Variants in ADGRL3 observed in about 807,000 individuals in gnomAD.
ADGRL3 encodes adhesion G protein-coupled receptor L3, also known as calcium-independent alpha-latrotoxin receptor 3.
In ADGRL3, 62 loss-of-function variants were observed where a neutral mutation model predicts 153.5. The observed-to-expected ratio is 0.40, with a 90% CI of 0.33 to 0.50. The LOEUF is 0.50. Ranked by LOEUF, ADGRL3 falls within the 20% of genes least tolerant of loss-of-function variation. The pLI, the probability that ADGRL3 is intolerant of heterozygous loss-of-function variation, is 0.47. For synonymous variants in ADGRL3, 710 were observed against 672.5 expected, an observed-to-expected ratio of 1.06 and a Z score of -0.86; for missense variants, 1,641 against 1,859.4, an observed-to-expected ratio of 0.88 and a Z score of 2.16.
At chr4:61,239,882 T>A (rs1042076147) in intron 1 of ADGRL3, among the ~76,000 whole-genome samples, 28 of 152,112 alleles carry the variant, frequency 1.8e-4, no homozygotes, top group African/African-American at 5.8e-4. Context: ...TTGGCTATGA[T>A]GTTTAAGTTC....
At chr4:61,600,373 T>A (rs907020874) in intron 5 of ADGRL3, among the ~76,000 whole-genome samples, 3 of 151,590 alleles carry the variant, frequency 2.0e-5, no homozygotes, top group South Asian at 2.1e-4. Context: ...AGATTTTTTT[T>A]AAGAAAAAGT....
At chr4:61,456,405 A>ATATATATAGATATATC (rs1560664399) in intron 2 of ADGRL3, among the ~76,000 whole-genome samples, 3 of 53,888 alleles carry the variant, frequency 5.6e-5, no homozygotes, top group Non-Finnish European at 1.2e-4. Flanking sequence ...ATCTATATCT[A>ATATATATAGATATATC]TATATATATA....
At position 61,388,313 on chromosome 4, in the gene ADGRL3, G is replaced by A. The variant is rs1049612363; in HGVS notation, c.-174+5124G>A. On this transcript the variant is annotated intron_variant, in intron 2 of 26. Transcript: ENST00000683033. ...TGCCTATCTTAAGGACTACGTAAGT[G>A]TTTGTAAAATACACTACAGTTTTTT... Among the ~76,000 whole-genome samples the A allele has an allele frequency of 3.3e-5, 5 of 152,124 alleles. No individual in the cohort carries two copies. In the East Asian group the frequency reaches 7.7e-4, roughly 23 times the overall value.
chr4:61,457,332 A>G (rs1310766085), intron 2 of ADGRL3, among the ~76,000 whole-genome samples: 1 of 151,988 alleles, frequency 6.6e-6, no homozygotes, highest in African/African-American at 2.4e-5. Flanking sequence ...ATAATTGATT[A>G]TTAAACAAAA....
Position 61,730,612 on chromosome 4 carries a change from T to C in ADGRL3, c.584-10T>C. On this transcript the variant is annotated splice_polypyrimidine_tract_variant and intron_variant, in intron 6 of 26. Coordinates refer to ENST00000683033, the MANE Select transcript of ADGRL3 (RefSeq NM_001387552.1). ...TCTCCTTTCTCTCTTTACTTCTCTCTCTCCAATAGAAGTGGAACAAAAAGG... is the reference window on the plus strand; with the variant it reads ...TCTCCTTTCTCTCTTTACTTCTCTCCCTCCAATAGAAGTGGAACAAAAAGG... The C allele has an allele frequency of 1.8e-6, 1 of 549,666 alleles. No individual in the cohort carries two copies. Among genetic ancestry groups the C allele is most frequent in the Non-Finnish European group, 3.1e-6 (1 of 323,550 alleles). 34.0% of individuals were successfully genotyped at this position (549,666 alleles called of 1,614,324 possible).
intron 2 of ADGRL3, among the ~76,000 whole-genome samples, chr4:61,493,518 C>T (rs1438327941): frequency 6.6e-6 from 1 of 152,064 alleles, no homozygotes; most frequent in Non-Finnish European, 1.5e-5. Context: ...TAAATGATTC[C>T]AGTTGTAATT....
chr4:61,962,964 T>C (rs375570305), intron 17 of ADGRL3, among the ~76,000 whole-genome samples: 31 of 152,266 alleles, frequency 2.0e-4, no homozygotes, highest in South Asian at 1.5e-3. Flanking sequence ...AAATGTGTTA[T>C]AGTTCTCACA....
chr4:61,868,823 T>C (rs932252622), intron 9 of ADGRL3, among the ~76,000 whole-genome samples: 2 of 152,194 alleles, frequency 1.3e-5, no homozygotes, highest in Non-Finnish European at 2.9e-5. Context: ...TTGGTTCCTA[T>C]GCTCACTCAC....
rs573957997 is a variant in ADGRL3, at chr4:61,772,944, A to T, written c.1399+39390A>T. On this transcript the variant is annotated intron_variant, in intron 8 of 26. Transcript: ENST00000683033. The stretch of plus-strand genomic sequence containing the variant: ...ATATTATGTTTAAAATACCCTGTTT[A>T]AAAAATACCATGTTTTACATACCTG... 5.3e-5 allele frequency among the ~76,000 whole-genome samples: 8 copies of T among 152,262 alleles called. 1 individual carries two copies. Among genetic ancestry groups the T allele is most frequent in the Admixed American group, 4.6e-4 (7 of 15,294 alleles).
intron 6 of ADGRL3, among the ~76,000 whole-genome samples, chr4:61,705,469 T>C (rs539774460): frequency 5.4e-5 from 8 of 148,556 alleles, no homozygotes; most frequent in Admixed American, 2.7e-4. Context: ...ATATAAGTTA[T>C]AGATTACATA....
chr4:61,424,223 A>G (rs2097248924), intron 2 of ADGRL3, among the ~76,000 whole-genome samples: 3 of 152,092 alleles, frequency 2.0e-5, no homozygotes, highest in African/African-American at 7.2e-5. Context: ...ACATGGTAGC[A>G]TAACTGTGAT....
chr4:61,671,470 C>G (rs1307744063), intron 5 of ADGRL3, among the ~76,000 whole-genome samples: 2 of 152,068 alleles, frequency 1.3e-5, no homozygotes, highest in Non-Finnish European at 2.9e-5. Flanking sequence ...TTTATTAAAC[C>G]TGATCAATAG....
intron 17 of ADGRL3, among the ~76,000 whole-genome samples, chr4:61,967,353 CTTTCA>C (rs757507490): frequency 2.0e-5 from 3 of 151,814 alleles, no homozygotes; most frequent in Non-Finnish European, 4.4e-5. Context: ...TTATATTTGC[CTTTCA>C]TTTCTTTTCT....
At chr4:61,830,528 T>A (rs1409649801) in intron 9 of ADGRL3, among the ~76,000 whole-genome samples, 1 of 152,190 alleles carries the variant, frequency 6.6e-6, no homozygotes, top group Non-Finnish European at 1.5e-5. Flanking sequence ...AGACTCTCAA[T>A]TGAAGTTACT....
At chr4:61,367,118 T>C (rs948695780) in intron 1 of ADGRL3, among the ~76,000 whole-genome samples, 1 of 152,200 alleles carries the variant, frequency 6.6e-6, no homozygotes, top group African/African-American at 2.4e-5. Context: ...CATTGAAATA[T>C]TAAAATATTA....
At chr4:61,693,273 A>G (rs1370996205) in intron 6 of ADGRL3, among the ~76,000 whole-genome samples, 2 of 152,098 alleles carry the variant, frequency 1.3e-5, no homozygotes, top group Non-Finnish European at 2.9e-5. Flanking sequence ...ATATAAAGTA[A>G]CCAAATTAAA....
intron 3 of ADGRL3, among the ~76,000 whole-genome samples, chr4:61,499,518 C>T (rs940657119): frequency 2.6e-5 from 4 of 152,014 alleles, no homozygotes; most frequent in Non-Finnish European, 5.9e-5. Context: ...AAAAATTCCT[C>T]CCTTATAATG....
chr4:61,533,266 C>A (rs2098634855), intron 4 of ADGRL3, among the ~76,000 whole-genome samples: 1 of 152,106 alleles, frequency 6.6e-6, no homozygotes, highest in Non-Finnish European at 1.5e-5. Flanking sequence ...AGGTTGAAAT[C>A]ATTGTGATGT....
rs971073097 is a variant in ADGRL3, at chr4:62,073,884, A to G, written c.*2976A>G. ...ATCCCAAAGATTATAACAGAGAGAA[A>G]TTTCCCCTGCAAGTATTATGTAACC... On this transcript the variant is annotated 3_prime_UTR_variant, in exon 27 of 27. Transcript: ENST00000683033. The G allele has an allele frequency of 1.1e-4, 17 of 152,034 alleles. No individual in the cohort carries two copies. Among genetic ancestry groups the G allele is most frequent in the African/African-American group, 2.4e-5 (1 of 41,408 alleles). The allele number at this position is 152,034 out of a possible 1,614,324, so 9.4% of individuals were successfully genotyped here. A position where few individuals can be genotyped will look rare whatever the true frequency, so the allele number is the denominator to read the frequency against.
Sources: allele counts gnomAD v4.1 joint callset (sites outside exome capture counted in the v4.1 genomes callset), GRCh38; gene constraint gnomAD v4.1.1; transcripts MANE v1.5; gene names NCBI Gene and HGNC (gene_info 2026-07-23, HGNC 2026-07-21).